SHISA9: variants seen among roughly 807,000 people sequenced by gnomAD.
The protein encoded by SHISA9 is protein shisa-9.
Under a neutral mutation model 38.0 loss-of-function variants are expected in SHISA9, and 13 were observed. That is an observed-to-expected ratio of 0.34 (90% CI 0.22 to 0.54). The LOEUF (loss-of-function observed/expected upper bound fraction) is 0.54, where lower values mean the gene tolerates loss of function less well. Among genes scored for constraint, SHISA9 ranks in the 20% least tolerant of loss-of-function variants. The pLI is 0.91. For missense variants in SHISA9, 538 were observed against 575.8 expected (o/e 0.93, Z 0.67); for synonymous variants, 275 against 242.0 (o/e 1.14, Z -1.27).
At chr16:13,334,579 C>A in the SHISA9 span, among the ~76,000 whole-genome samples, 1 of 151,888 alleles carries the variant, frequency 6.6e-6, no homozygotes, top group Non-Finnish European at 1.5e-5. Flanking sequence ...TCGAGGCCAT[C>A]CTGGCTAACA....
chr16:13,549,195 T>G, the SHISA9 span, among the ~76,000 whole-genome samples: 2 of 152,106 alleles, frequency 1.3e-5, no homozygotes, highest in African/African-American at 4.8e-5. Context: ...GTAAAATAAT[T>G]GTTGCCAGAG....
chr16:13,229,734 G>A (rs899280174), intron 4 of SHISA9, among the ~76,000 whole-genome samples: 14 of 152,226 alleles, frequency 9.2e-5, no homozygotes, highest in African/African-American at 3.1e-4. Context: ...TGGGGAAACA[G>A]ATGTGAACAC....
the SHISA9 span, among the ~76,000 whole-genome samples, chr16:13,501,989 G>T: frequency 2.2e-5 from 3 of 138,726 alleles, no homozygotes; most frequent in Non-Finnish European, 4.7e-5. Flanking sequence ...GCAACAAAGC[G>T]AAACTCCGTA....
chr16:13,559,994 G>T, the SHISA9 span, among the ~76,000 whole-genome samples: 2 of 152,218 alleles, frequency 1.3e-5, no homozygotes, highest in African/African-American at 4.8e-5. Flanking sequence ...AAGACTTCAT[G>T]TTCCAAGTAA....
chr16:13,285,869 T>G, the SHISA9 span, among the ~76,000 whole-genome samples: 2 of 152,152 alleles, frequency 1.3e-5, no homozygotes, highest in East Asian at 1.9e-4. Context: ...CTCCTATCTT[T>G]CCAACTCTGT....
At chr16:13,345,947 T>G in the SHISA9 span, among the ~76,000 whole-genome samples, 1 of 126,062 alleles carries the variant, frequency 7.9e-6, no homozygotes, top group Non-Finnish European at 1.7e-5. Context: ...TTTATGGGGT[T>G]GTTTTACTCT....
chr16:13,183,881 G>A (rs766640287), intron 2 of SHISA9, among the ~76,000 whole-genome samples: 6 of 152,144 alleles, frequency 3.9e-5, no homozygotes, highest in Non-Finnish European at 8.8e-5. Flanking sequence ...TGGATTGGAT[G>A]TGAAGTTTTG....
chr16:13,520,603 C>CAAAAAAAAA, the SHISA9 span, among the ~76,000 whole-genome samples: 6 of 56,232 alleles, frequency 1.1e-4, no homozygotes, highest in African/African-American at 4.6e-4. Flanking sequence ...AACTCTGTCT[C>CAAAAAAAAA]AAAAAAAAAA....
At chr16:13,387,674 G>C in the SHISA9 span, among the ~76,000 whole-genome samples, 5,313 of 152,124 alleles carry the variant, frequency 0.035, 168 homozygotes, top group African/African-American at 0.085. Context: ...ATTTTTAGTA[G>C]AGACAATGTT....
chr16:13,360,390 C>G, the SHISA9 span, among the ~76,000 whole-genome samples: 1 of 152,174 alleles, frequency 6.6e-6, no homozygotes, highest in Admixed American at 6.5e-5. Flanking sequence ...ATAATCCCTA[C>G]AGATACTGGG....
intron 2 of SHISA9, among the ~76,000 whole-genome samples, chr16:13,145,469 G>T (rs1353701599): frequency 6.6e-6 from 1 of 152,218 alleles, no homozygotes; most frequent in African/African-American, 2.4e-5. Flanking sequence ...GGGAGTTGCA[G>T]TGAGCCAAGA....
intron 2 of SHISA9, among the ~76,000 whole-genome samples, chr16:13,086,697 G>A (rs1166796046): frequency 6.6e-6 from 1 of 152,128 alleles, no homozygotes; most frequent in African/African-American, 2.4e-5. Flanking sequence ...ACATGTCAAG[G>A]CAAAGAGATG....
At chr16:13,078,940 C>T (rs898571510) in intron 2 of SHISA9, among the ~76,000 whole-genome samples, 1 of 152,212 alleles carries the variant, frequency 6.6e-6, no homozygotes, top group Non-Finnish European at 1.5e-5. Flanking sequence ...GTCTGATGTT[C>T]TCTAGAAGAA....
chr16:13,332,476 A>G, the SHISA9 span: 3 of 152,342 alleles, frequency 2.0e-5, no homozygotes, highest in Admixed American at 2.0e-4. Context: ...GTCACTGGGA[A>G]ATGACTCAAT....
the SHISA9 span, among the ~76,000 whole-genome samples, chr16:13,448,776 T>C: frequency 6.6e-6 from 1 of 152,258 alleles, no homozygotes; most frequent in Non-Finnish European, 1.5e-5. Flanking sequence ...TTTCTAAACT[T>C]TCCTGGATAG....
chr16:13,010,060 C>A (rs1366551367), intron 2 of SHISA9, among the ~76,000 whole-genome samples: 1 of 152,048 alleles, frequency 6.6e-6, no homozygotes, highest in Non-Finnish European at 1.5e-5. Flanking sequence ...CACCTGTGGT[C>A]CCAGCTACTC....
At chr16:13,427,402 T>G in the SHISA9 span, among the ~76,000 whole-genome samples, 2 of 152,168 alleles carry the variant, frequency 1.3e-5, no homozygotes, top group African/African-American at 4.8e-5. Context: ...GATGGAAGTG[T>G]AAACAGGTTT....
At chr16:13,077,383 C>T (rs148588538) in intron 2 of SHISA9, among the ~76,000 whole-genome samples, 43 of 152,234 alleles carry the variant, frequency 2.8e-4, no homozygotes, top group African/African-American at 1.0e-3. Flanking sequence ...GAAGCACAAA[C>T]CCAGACCAAG....
At chr16:12,912,790 G>A (rs1464118461) in intron 1 of SHISA9, among the ~76,000 whole-genome samples, 1 of 152,200 alleles carries the variant, frequency 6.6e-6, no homozygotes, top group Non-Finnish European at 1.5e-5. Flanking sequence ...TTCACTCTGT[G>A]AAACAGGTGA....
Sources: gnomAD v4.1 joint callset for allele counts (sites outside exome capture counted in the v4.1 genomes callset) on GRCh38, gnomAD v4.1.1 for gene constraint, MANE v1.5 for transcripts, NCBI Gene and HGNC (gene_info 2026-07-23, HGNC 2026-07-21) for gene names.